SLC35F1: variants seen among roughly 807,000 people sequenced by gnomAD.
SLC35F1 encodes the protein chromosome 6 open reading frame 169.
Under a neutral mutation model 48.7 loss-of-function variants are expected in SLC35F1, and 14 were observed. The observed-to-expected ratio is 0.29, with a 90% confidence interval of 0.19 to 0.45. The LOEUF (loss-of-function observed/expected upper bound fraction) is 0.45, where lower values mean the gene tolerates loss of function less well. Ranked by LOEUF, SLC35F1 falls within the 20% of genes least tolerant of loss-of-function variation. SLC35F1 has a pLI of 1.00. For synonymous variants in SLC35F1, 190 were observed against 202.2 expected (o/e 0.94, Z 0.51); for missense variants, 404 against 500.0 (o/e 0.81, Z 1.83).
intron 3 of SLC35F1, among the ~76,000 whole-genome samples, chr6:118,264,283 G>A (rs1775745980): frequency 6.6e-6 from 1 of 152,148 alleles, no homozygotes; most frequent in African/African-American, 2.4e-5. Flanking sequence ...CCTTCTGACA[G>A]TCAGTGATAC....
chr6:118,064,944 A>G (rs1180594498), intron 1 of SLC35F1, among the ~76,000 whole-genome samples: 1 of 152,134 alleles, frequency 6.6e-6, no homozygotes. Context: ...TACACTCCCA[A>G]CTGATATATT....
chr6:118,173,586 C>T (rs942760972), intron 2 of SLC35F1, among the ~76,000 whole-genome samples: 2 of 152,096 alleles, frequency 1.3e-5, no homozygotes, highest in Non-Finnish European at 2.9e-5. Flanking sequence ...TGCAGGAGAG[C>T]TAAAAGCGAT....
At chr6:118,210,347 T>C (rs1054589027) in intron 2 of SLC35F1, among the ~76,000 whole-genome samples, 2 of 152,248 alleles carry the variant, frequency 1.3e-5, no homozygotes, top group African/African-American at 4.8e-5. Context: ...GTTAAGATTT[T>C]ACTGCCTAAT....
At chr6:118,186,400 G>T (rs896005545) in intron 2 of SLC35F1, among the ~76,000 whole-genome samples, 3 of 150,220 alleles carry the variant, frequency 2.0e-5, no homozygotes, top group African/African-American at 7.4e-5. Context: ...TGTTTCTCAG[G>T]TGCACAGTTC....
chr6:117,946,796 C>T (rs528683934), intron 1 of SLC35F1, among the ~76,000 whole-genome samples: 58 of 152,232 alleles, frequency 3.8e-4, no homozygotes, highest in South Asian at 8.3e-4. Flanking sequence ...CTATTGCAGA[C>T]GTTTTTAGAA....
At chr6:118,218,713 T>C (rs1775106666) in intron 2 of SLC35F1, among the ~76,000 whole-genome samples, 1 of 152,214 alleles carries the variant, frequency 6.6e-6, no homozygotes, top group Non-Finnish European at 1.5e-5. Context: ...CCAGTGATTC[T>C]GGGATATATT....
chr6:118,167,253 C>T (rs1416977079), intron 2 of SLC35F1, among the ~76,000 whole-genome samples: 13 of 152,068 alleles, frequency 8.5e-5, no homozygotes, highest in Non-Finnish European at 1.2e-4. Context: ...TGAGTGCCAC[C>T]CTTTCCCTTA....
rs142485324 is a variant in SLC35F1 at position 118,141,594 on chromosome 6, T to C, written c.174-12851T>C. On this transcript the variant is annotated intron_variant, in intron 1 of 7. Transcript: ENST00000360388. Reference sequence around the variant, plus strand: ...CCCCTTCCTGGTTGCAGACTGCCACTGTATCCTCACATGGCAGAAAGAGGG... The same window carrying C: ...CCCCTTCCTGGTTGCAGACTGCCACCGTATCCTCACATGGCAGAAAGAGGG... Among the ~76,000 whole-genome samples, 885 of 152,280 alleles carry C rather than the reference T, an allele frequency of 5.8e-3. 3 individuals are homozygous for C. Among genetic ancestry groups the C allele is most frequent in the Non-Finnish European group, 9.3e-3 (635 of 68,008 alleles).
intron 2 of SLC35F1, among the ~76,000 whole-genome samples, chr6:118,155,449 G>C (rs1774124989): frequency 6.6e-6 from 1 of 152,144 alleles, no homozygotes; most frequent in Non-Finnish European, 1.5e-5. Context: ...GCTAAATGTG[G>C]GTTTGGTCCC....
At chr6:118,253,509 G>A (rs1048511407) in intron 3 of SLC35F1, among the ~76,000 whole-genome samples, 5 of 152,144 alleles carry the variant, frequency 3.3e-5, no homozygotes, top group Admixed American at 6.6e-5. Flanking sequence ...GGCAGGAAAG[G>A]AAGTAAGAGG....
intron 1 of SLC35F1, among the ~76,000 whole-genome samples, chr6:117,949,092 T>A (rs1004665380): frequency 5.3e-5 from 8 of 152,156 alleles, no homozygotes; most frequent in Admixed American, 6.5e-5. Flanking sequence ...AACAACCCTC[T>A]GAGATGATAC....
At chr6:118,234,850 C>A (rs1377726791) in intron 2 of SLC35F1, among the ~76,000 whole-genome samples, 1 of 147,950 alleles carries the variant, frequency 6.8e-6, no homozygotes, top group Non-Finnish European at 1.5e-5. Flanking sequence ...GAATGAAGAA[C>A]TAAGAGATTC....
intron 1 of SLC35F1, among the ~76,000 whole-genome samples, chr6:117,923,643 G>GTACATATATGTATATA (rs1562238603): frequency 1.7e-5 from 1 of 58,738 alleles, no homozygotes; most frequent in Admixed American, 2.1e-4. Context: ...ATGTACATAT[G>GTACATATATGTATATA]TACATATGTA....
In SLC35F1 at chr6:117,907,852, C is replaced by T. The variant is rs1214161034; in HGVS notation, c.126C>T (p.Ala42=). The part of the protein sequence containing the change: ...EGSGGGGSLS[A]SSRAGVRQRI... Reference sequence around the variant, plus strand: ...GCGGCGGCGGCGGGAGCCTGTCCGCCTCCTCCCGGGCTGGCGTGCGCCAGA... The same window carrying T: ...GCGGCGGCGGCGGGAGCCTGTCCGCTTCCTCCCGGGCTGGCGTGCGCCAGA... Residue 42 remains alanine (A), a synonymous_variant, in exon 1 of 8, where the codon GCC becomes GCT. Coordinates refer to ENST00000360388, the MANE Select transcript of SLC35F1 (RefSeq NM_001029858.4). 3.3e-6 allele frequency: 5 copies of T among 1,535,070 alleles called. No homozygotes were observed. In the African/African-American group the frequency reaches 5.7e-5, roughly 18 times the overall value.
chr6:118,287,245 A>G (rs1241195425), intron 7 of SLC35F1, among the ~76,000 whole-genome samples: 1 of 152,126 alleles, frequency 6.6e-6, no homozygotes, highest in African/African-American at 2.4e-5. Context: ...TCTGGGGAAC[A>G]CCTGGCTATG....
intron 2 of SLC35F1, among the ~76,000 whole-genome samples, chr6:118,230,018 A>G (rs893759601): frequency 2.6e-5 from 4 of 152,206 alleles, no homozygotes; most frequent in South Asian, 4.1e-4. Flanking sequence ...ACAAAACTCT[A>G]TATCAATTAT....
At chr6:118,283,521 G>A (rs889615518) in intron 6 of SLC35F1, among the ~76,000 whole-genome samples, 1 of 152,070 alleles carries the variant, frequency 6.6e-6, no homozygotes, top group Admixed American at 6.6e-5. Context: ...TGATGGAAGG[G>A]TATTATTCTG....
At chr6:118,126,756 G>A (rs1773632402) in intron 1 of SLC35F1, among the ~76,000 whole-genome samples, 1 of 151,470 alleles carries the variant, frequency 6.6e-6, no homozygotes, top group Non-Finnish European at 1.5e-5. Flanking sequence ...GTGAATGGGA[G>A]TTCACTCATG....
chr6:118,036,242 G>A (rs1772130507), intron 1 of SLC35F1, among the ~76,000 whole-genome samples: 3 of 152,014 alleles, frequency 2.0e-5, no homozygotes, highest in African/African-American at 4.8e-5. Context: ...TGTCACTTAG[G>A]TAAATGTATT....
Sources: allele counts gnomAD v4.1 joint callset (sites outside exome capture counted in the v4.1 genomes callset), GRCh38; gene constraint gnomAD v4.1.1; transcripts MANE v1.5; gene names NCBI Gene and HGNC (gene_info 2026-07-23, HGNC 2026-07-21).